Variants in DPP6 observed in about 807,000 individuals in gnomAD.
DPP6 encodes A-type potassium channel modulatory protein DPP6.
A neutral mutation model predicts 122.6 loss-of-function variants in DPP6; 69 were observed. The ratio of observed to expected loss-of-function variants is 0.56; its 90% CI spans 0.46 to 0.69. The LOEUF is 0.69. DPP6 is among the 30% of genes least tolerant of loss of function. The probability of loss-of-function intolerance (pLI) is 0.00; values close to 1 mark genes in which losing one functional copy is unlikely to be tolerated. For synonymous variants in DPP6, 418 were observed against 433.1 expected (o/e 0.97, Z 0.43); for missense variants, 928 against 1,116.9 (o/e 0.83, Z 2.41).
the DPP6 span, among the ~76,000 whole-genome samples, chr7:153,832,679 G>C: frequency 1.0e-5 from 1 of 99,216 alleles, no homozygotes; most frequent in South Asian, 2.8e-4. Context: ...TATTATACTG[G>C]AATGATGGTA....
At chr7:153,850,794 GA>G in the DPP6 span, among the ~76,000 whole-genome samples, 1 of 152,130 alleles carries the variant, frequency 6.6e-6, no homozygotes, top group African/African-American at 2.4e-5. Flanking sequence ...GAGTATGGGG[GA>G]AACTGCCTCC....
intron 1 of DPP6, among the ~76,000 whole-genome samples, chr7:154,008,544 G>C (rs1415102862): frequency 6.6e-6 from 1 of 151,904 alleles, no homozygotes; most frequent in Non-Finnish European, 1.5e-5. Context: ...AGAAGTAGAA[G>C]ACATTTCTAC....
At chr7:153,926,199 G>A (rs988817695) in intron 1 of DPP6, among the ~76,000 whole-genome samples, 3 of 152,170 alleles carry the variant, frequency 2.0e-5, no homozygotes, top group Admixed American at 2.0e-4. Context: ...ACCTGTCACC[G>A]ATCATGTACA....
At chr7:153,848,666 T>C in the DPP6 span, among the ~76,000 whole-genome samples, 1 of 152,354 alleles carries the variant, frequency 6.6e-6, no homozygotes, top group Admixed American at 6.5e-5. Flanking sequence ...TAAGTTTAGT[T>C]TGATGTAGGC....
chr7:154,147,530 A>C (rs1796166053), intron 1 of DPP6, among the ~76,000 whole-genome samples: 1 of 150,186 alleles, frequency 6.7e-6, no homozygotes, highest in African/African-American at 2.5e-5. Context: ...CTCAGACTGG[A>C]GTGCAATGGT....
At chr7:154,581,959 A>C (rs1432705896) in intron 5 of DPP6, among the ~76,000 whole-genome samples, 1 of 152,148 alleles carries the variant, frequency 6.6e-6, no homozygotes, top group African/African-American at 2.4e-5. Flanking sequence ...AGGCAGCCTT[A>C]GGCCCCCTGT....
chr7:154,686,003 T>A (rs1369657039), intron 7 of DPP6, among the ~76,000 whole-genome samples: 2 of 152,186 alleles, frequency 1.3e-5, no homozygotes, highest in Non-Finnish European at 2.9e-5. Flanking sequence ...AGACAGCAAG[T>A]CTCACTGCAT....
At chr7:153,800,941 A>T in the DPP6 span, among the ~76,000 whole-genome samples, 6,506 of 152,332 alleles carry the variant, frequency 0.043, 184 homozygotes, top group Non-Finnish European at 0.054. Flanking sequence ...TTTGATCATT[A>T]CATGTTGCAT....
intron 1 of DPP6, among the ~76,000 whole-genome samples, chr7:154,390,220 A>C (rs1026778343): frequency 6.6e-6 from 1 of 152,158 alleles, no homozygotes; most frequent in Admixed American, 6.5e-5. Flanking sequence ...GAAATAAAGG[A>C]AGGTAGGGTG....
the DPP6 span, among the ~76,000 whole-genome samples, chr7:153,797,696 G>A: frequency 6.6e-6 from 1 of 152,066 alleles, no homozygotes; most frequent in Non-Finnish European, 1.5e-5. Flanking sequence ...TTTTCCCACA[G>A]TTCTGGAAGC....
At chr7:154,650,261 G>A in intron 6 of DPP6, among the ~76,000 whole-genome samples, 1 of 152,026 alleles carries the variant, frequency 6.6e-6, no homozygotes, top group East Asian at 1.9e-4. Flanking sequence ...GGAGGTCAAA[G>A]TTGCAGTGAG....
At chr7:154,389,224 T>G (rs551819875) in intron 1 of DPP6, among the ~76,000 whole-genome samples, 2 of 152,254 alleles carry the variant, frequency 1.3e-5, no homozygotes, top group African/African-American at 4.8e-5. Flanking sequence ...GAGTGAAGAT[T>G]TTGAAAGTCA....
chr7:153,858,388 C>T, the DPP6 span, among the ~76,000 whole-genome samples: 20 of 152,318 alleles, frequency 1.3e-4, no homozygotes, highest in Middle Eastern at 3.4e-3. Flanking sequence ...AAAACAGAGA[C>T]GCTAGTAACG....
chr7:154,264,797 C>G (rs112677767), intron 1 of DPP6, among the ~76,000 whole-genome samples: 4 of 108,120 alleles, frequency 3.7e-5, no homozygotes, highest in Non-Finnish European at 7.9e-5. Flanking sequence ...GGTGTTGATG[C>G]TGGTGATAAT....
the DPP6 span, among the ~76,000 whole-genome samples, chr7:153,868,769 G>T: frequency 6.6e-6 from 1 of 151,934 alleles, no homozygotes; most frequent in African/African-American, 2.4e-5. Context: ...GATCTTTCCT[G>T]CTTTCTCTTG....
At chr7:153,910,839 C>T (rs1028974507) in intron 1 of DPP6, among the ~76,000 whole-genome samples, 4 of 152,146 alleles carry the variant, frequency 2.6e-5, no homozygotes, top group African/African-American at 7.2e-5. Context: ...ACAAGCAGCT[C>T]GGGTTTCAGA....
At chr7:154,645,505 C>T (rs1836406620) in intron 6 of DPP6, among the ~76,000 whole-genome samples, 1 of 152,136 alleles carries the variant, frequency 6.6e-6, no homozygotes, top group African/African-American at 2.4e-5. Flanking sequence ...GAAATCCAGA[C>T]TTCTAGTAAC....
chr7:154,782,366 A>C (rs868229958), intron 10 of DPP6, among the ~76,000 whole-genome samples: 1 of 152,232 alleles, frequency 6.6e-6, no homozygotes, highest in Non-Finnish European at 1.5e-5. Flanking sequence ...ATGCTTCAAT[A>C]TCTCTCTTCA....
At chr7:154,242,473 A>T (rs915338953) in intron 1 of DPP6, among the ~76,000 whole-genome samples, 3 of 152,220 alleles carry the variant, frequency 2.0e-5, no homozygotes, top group Non-Finnish European at 4.4e-5. Flanking sequence ...TCTAGCTCTG[A>T]TAGAGTGACT....
Sources: gnomAD v4.1 joint callset for allele counts (sites outside exome capture counted in the v4.1 genomes callset) on GRCh38, gnomAD v4.1.1 for gene constraint, MANE v1.5 for transcripts, NCBI Gene and HGNC (gene_info 2026-07-23, HGNC 2026-07-21) for gene names.